Variants in TBC1D22A observed in about 807,000 individuals in gnomAD.
TBC1D22A encodes the protein TBC1 domain family member 22A.
In TBC1D22A, 38 loss-of-function variants were observed where a neutral mutation model predicts 60.2. That is an observed-to-expected ratio of 0.63 (90% CI 0.49 to 0.83). TBC1D22A has a LOEUF of 0.83. Among genes scored for constraint, TBC1D22A ranks in the 40% least tolerant of loss-of-function variants. The pLI, the probability that TBC1D22A is intolerant of heterozygous loss-of-function variation, is 0.00. For synonymous variants in TBC1D22A, 302 were observed against 281.7 expected (o/e 1.07, Z -0.72); for missense variants, 628 against 701.0 (o/e 0.90, Z 1.18).
At chr22:47,166,612 T>C (rs1255074123) in intron 12 of TBC1D22A, among the ~76,000 whole-genome samples, 1 of 152,250 alleles carries the variant, frequency 6.6e-6, no homozygotes, top group East Asian at 1.9e-4. Flanking sequence ...GGACACTGTC[T>C]CTTTTCTTGT....
At chr22:46,864,071 C>T (rs1602213611) in intron 4 of TBC1D22A, among the ~76,000 whole-genome samples, 1 of 152,226 alleles carries the variant, frequency 6.6e-6, no homozygotes, top group East Asian at 1.9e-4. Flanking sequence ...AGCACCTTTC[C>T]TGACATTCCT....
chr22:47,093,752 A>G (rs1231847250), intron 11 of TBC1D22A, among the ~76,000 whole-genome samples: 3 of 152,188 alleles, frequency 2.0e-5, no homozygotes, highest in Admixed American at 1.3e-4. Context: ...TTATACGTCA[A>G]CTTGGCGGAA....
At chr22:46,817,226 C>T (rs892314603) in intron 4 of TBC1D22A, among the ~76,000 whole-genome samples, 4 of 151,628 alleles carry the variant, frequency 2.6e-5, no homozygotes, top group African/African-American at 7.3e-5. Context: ...TCCCTATTCA[C>T]ATTGCTGTAA....
chr22:46,829,087 G>A (rs1488382156), intron 4 of TBC1D22A, among the ~76,000 whole-genome samples: 2 of 152,142 alleles, frequency 1.3e-5, no homozygotes, highest in East Asian at 1.9e-4. Flanking sequence ...CAGGGGTGGG[G>A]GTTTCCCTGC....
In TBC1D22A at chr22:46,848,324, C is replaced by T. The variant is rs1047552359; in HGVS notation, c.638-30329C>T. Among the ~76,000 whole-genome samples, 14 of 152,300 alleles carry T rather than the reference C, an allele frequency of 9.2e-5. 1 individual carries two copies. The highest frequency in any genetic ancestry group is 8.3e-4 in the South Asian group (4 of 4,824). The stretch of plus-strand genomic sequence containing the variant: ...TGCTAGAAGCTTTCCTTCAGGGACC[C>T]GAGAGAACAGGGAAGGAGTGCTTGC... On this transcript the variant is annotated intron_variant, in intron 4 of 12. Coordinates refer to ENST00000337137, the MANE Select transcript of TBC1D22A (RefSeq NM_014346.5).
intron 8 of TBC1D22A, among the ~76,000 whole-genome samples, chr22:46,965,560 G>A (rs993749933): frequency 6.6e-6 from 1 of 152,388 alleles, no homozygotes; most frequent in South Asian, 2.1e-4. Flanking sequence ...GTTTTGAGTG[G>A]TCCTTGTGCT....
chr22:46,941,222 C>CACAT (rs1486168289), intron 8 of TBC1D22A, among the ~76,000 whole-genome samples: 1 of 115,520 alleles, frequency 8.7e-6, no homozygotes, highest in Non-Finnish European at 1.8e-5. Context: ...CACACACACA[C>CACAT]ACACACACAC....
intron 11 of TBC1D22A, among the ~76,000 whole-genome samples, chr22:47,079,550 A>G (rs1209536385): frequency 6.6e-6 from 1 of 152,232 alleles, no homozygotes; most frequent in Non-Finnish European, 1.5e-5. Flanking sequence ...CTTATATTTA[A>G]GTGGTGCAAA....
At chr22:47,054,826 G>T (rs1242978425) in intron 11 of TBC1D22A, among the ~76,000 whole-genome samples, 8 of 152,190 alleles carry the variant, frequency 5.3e-5, no homozygotes, top group African/African-American at 1.9e-4. Flanking sequence ...GTTCCCTCAA[G>T]TCTCCCTACT....
chr22:46,880,933 G>C (rs1293799365), intron 5 of TBC1D22A, among the ~76,000 whole-genome samples: 2 of 152,154 alleles, frequency 1.3e-5, no homozygotes, highest in African/African-American at 4.8e-5. Flanking sequence ...GCTAAGAAAG[G>C]GTTCATGAGG....
At chr22:46,952,472 T>G (rs1403451830) in intron 8 of TBC1D22A, among the ~76,000 whole-genome samples, 1 of 152,182 alleles carries the variant, frequency 6.6e-6, no homozygotes, top group African/African-American at 2.4e-5. Flanking sequence ...ATACCAAATG[T>G]TATATCTCTG....
At chr22:47,027,328 T>C (rs2062288451) in intron 10 of TBC1D22A, among the ~76,000 whole-genome samples, 1 of 152,216 alleles carries the variant, frequency 6.6e-6, no homozygotes, top group Non-Finnish European at 1.5e-5. Context: ...TTTATTTTTA[T>C]TTATTTAACT....
At chr22:46,964,523 A>T (rs1328948455) in intron 8 of TBC1D22A, among the ~76,000 whole-genome samples, 1 of 152,132 alleles carries the variant, frequency 6.6e-6, no homozygotes, top group Non-Finnish European at 1.5e-5. Context: ...AAATTTTTTC[A>T]AGCAGAAGTA....
intron 12 of TBC1D22A, among the ~76,000 whole-genome samples, chr22:47,158,141 G>T (rs149974078): frequency 6.6e-6 from 1 of 152,196 alleles, no homozygotes; most frequent in Non-Finnish European, 1.5e-5. Flanking sequence ...GCTCTGGCTC[G>T]TGTGGGTTCT....
chr22:46,858,099 T>C (rs1025165373), intron 4 of TBC1D22A, among the ~76,000 whole-genome samples: 1 of 152,182 alleles, frequency 6.6e-6, no homozygotes, highest in South Asian at 2.1e-4. Context: ...CAGCAATGCA[T>C]GAGGGCTCTG....
chr22:46,936,318 C>T (rs1027716571), intron 8 of TBC1D22A, among the ~76,000 whole-genome samples: 4 of 151,848 alleles, frequency 2.6e-5, no homozygotes, highest in Admixed American at 6.6e-5. Context: ...CCAGGCTCCT[C>T]GCAGTTCTGC....
chr22:46,766,113 T>C (rs1392157988), intron 1 of TBC1D22A, among the ~76,000 whole-genome samples: 1 of 152,066 alleles, frequency 6.6e-6, no homozygotes, highest in Non-Finnish European at 1.5e-5. Flanking sequence ...TTTTCCTGCC[T>C]CAGCCTCCCG....
intron 8 of TBC1D22A, among the ~76,000 whole-genome samples, chr22:46,941,664 G>GCGGATTATATATA (rs1406601540): frequency 0.087 from 6,559 of 75,378 alleles, 878 homozygotes; most frequent in Non-Finnish European, 0.12. Context: ...ATATATATAC[G>GCGGATTATATATA]CGGAATATAT....
chr22:47,061,975 C>T (rs5769340), intron 11 of TBC1D22A, among the ~76,000 whole-genome samples: 1 of 148,446 alleles, frequency 6.7e-6, no homozygotes, highest in African/African-American at 2.5e-5. Context: ...GTGATCCCAG[C>T]TACTCCGGAG....
Sources: gnomAD v4.1 joint callset for allele counts (sites outside exome capture counted in the v4.1 genomes callset) on GRCh38, gnomAD v4.1.1 for gene constraint, MANE v1.5 for transcripts, NCBI Gene and HGNC (gene_info 2026-07-23, HGNC 2026-07-21) for gene names.